Variants in TRABD2B observed in about 807,000 individuals in gnomAD.
TRABD2B encodes TraB domain containing 2B.
Under a neutral mutation model 40.1 loss-of-function variants are expected in TRABD2B, and 14 were observed. That is an observed-to-expected ratio of 0.35 (90% confidence interval 0.23 to 0.55). The LOEUF is 0.55. Ranked by LOEUF, TRABD2B falls within the 20% of genes least tolerant of loss-of-function variation. The pLI is 0.90. For synonymous variants in TRABD2B, 263 were observed against 277.0 expected (o/e 0.95, Z 0.50); for missense variants, 541 against 648.6 (o/e 0.83, Z 1.80).
At chr1:47,904,308 A>C (rs1248393458) in intron 2 of TRABD2B, among the ~76,000 whole-genome samples, 3 of 152,152 alleles carry the variant, frequency 2.0e-5, no homozygotes, top group African/African-American at 4.8e-5. Flanking sequence ...GGGGAAGCAC[A>C]GAGTGTGGTG....
At chr1:47,861,272 A>C (rs1643963948) in intron 2 of TRABD2B, among the ~76,000 whole-genome samples, 1 of 152,044 alleles carries the variant, frequency 6.6e-6, no homozygotes, top group Non-Finnish European at 1.5e-5. Context: ...TGGTTGCACA[A>C]ATGGTGGTGG....
Position 47,771,693 on chromosome 1 carries a change from C to T in TRABD2B, c.1349+3477G>A, listed in dbSNP as rs115657516. ...TCACAGCCCTGCCCTTCCCCCAAGC[C>T]TGGCTCTCAGCGGTGGGGGTTCCCC... On this transcript the variant is annotated intron_variant, in intron 6 of 6. Coordinates refer to ENST00000606738, the MANE Select transcript of TRABD2B (RefSeq NM_001194986.2). Among the ~76,000 whole-genome samples the T allele has an allele frequency of 3.6e-3, 543 of 152,378 alleles. 4 individuals are homozygous for T. The highest frequency in any genetic ancestry group is 0.012 in the African/African-American group (500 of 41,598).
chr1:47,840,301 C>T (rs1257291265), intron 2 of TRABD2B, among the ~76,000 whole-genome samples: 1 of 152,182 alleles, frequency 6.6e-6, no homozygotes, highest in African/African-American at 2.4e-5. Context: ...TCGACAAGGC[C>T]CCCAGAGGTA....
chr1:47,818,624 T>G (rs1246598024), intron 2 of TRABD2B: 1 of 152,260 alleles, frequency 6.6e-6, no homozygotes, highest in Non-Finnish European at 1.5e-5. Flanking sequence ...AGTCATTAAT[T>G]CCAGGGGAGG....
intron 2 of TRABD2B, among the ~76,000 whole-genome samples, chr1:47,855,665 T>G (rs528717084): frequency 1.7e-4 from 26 of 152,378 alleles, no homozygotes; most frequent in African/African-American, 5.5e-4. Flanking sequence ...CCAAACTTCC[T>G]ATGCTGAAAT....
At chr1:47,889,037 A>G (rs1429003517) in intron 2 of TRABD2B, among the ~76,000 whole-genome samples, 1 of 152,106 alleles carries the variant, frequency 6.6e-6, no homozygotes, top group Non-Finnish European at 1.5e-5. Flanking sequence ...AATTTGTATG[A>G]TGTCTGTCTG....
chr1:47,829,093 G>A (rs1054065558), intron 2 of TRABD2B, among the ~76,000 whole-genome samples: 1 of 152,142 alleles, frequency 6.6e-6, no homozygotes, highest in Non-Finnish European at 1.5e-5. Flanking sequence ...CTGGCCCCAG[G>A]GACCCCAGAG....
intron 2 of TRABD2B, among the ~76,000 whole-genome samples, chr1:47,987,594 C>A (rs1439614855): frequency 1.3e-5 from 2 of 152,116 alleles, no homozygotes. Context: ...TGTGTTATCC[C>A]CCTACATTTA....
rs537847236 is a variant in TRABD2B at position 47,857,403 on chromosome 1, C to T, written c.667-55784G>A. 1.8e-4 allele frequency among the ~76,000 whole-genome samples: 28 copies of T among 152,278 alleles called. 1 individual carries two copies. The South Asian group carries it at 5.8e-3, about 32-fold the overall frequency. On this transcript the variant is annotated intron_variant, in intron 2 of 6. Transcript: ENST00000606738. Reference sequence around the variant, plus strand: ...AGCCACCGTTGCTGCATTAGCCCTGCCCCACCGTGTGCCTACCTAGCAACC... The same window carrying T: ...AGCCACCGTTGCTGCATTAGCCCTGTCCCACCGTGTGCCTACCTAGCAACC...
chr1:47,925,621 C>T lies in TRABD2B; in HGVS notation c.666+68413G>A, dbSNP rs1644959064. Among the ~76,000 whole-genome samples the T allele has an allele frequency of 2.0e-5, 3 of 152,218 alleles. No individual in the cohort carries two copies. The South Asian group carries it at 6.2e-4, about 32-fold the overall frequency. Reference sequence around the variant, plus strand: ...CACAGTGCTGAAGATGCTGGAGCCTCATGCTCTGGTTTGGTTTAAATTAGA... The same window carrying T: ...CACAGTGCTGAAGATGCTGGAGCCTTATGCTCTGGTTTGGTTTAAATTAGA... On this transcript the variant is annotated intron_variant, in intron 2 of 6. Transcript: ENST00000606738.
chr1:47,971,068 A>C (rs911934952), intron 2 of TRABD2B, among the ~76,000 whole-genome samples: 5 of 152,206 alleles, frequency 3.3e-5, no homozygotes, highest in African/African-American at 1.2e-4. Flanking sequence ...CTAACACACC[A>C]TCTCTGCCTA....
chr1:47,927,349 A>C (rs1644983187), intron 2 of TRABD2B, among the ~76,000 whole-genome samples: 1 of 151,830 alleles, frequency 6.6e-6, no homozygotes, highest in South Asian at 2.1e-4. Context: ...GCAAACATCC[A>C]CTCTTCCGGT....
chr1:47,908,011 C>T (rs1247547946), intron 2 of TRABD2B, among the ~76,000 whole-genome samples: 1 of 152,074 alleles, frequency 6.6e-6, no homozygotes, highest in Non-Finnish European at 1.5e-5. Context: ...TAAAAAGTAA[C>T]CTGAGAAGTG....
chr1:47,780,446 T>G (rs1375561948), intron 4 of TRABD2B, among the ~76,000 whole-genome samples: 1 of 152,178 alleles, frequency 6.6e-6, no homozygotes, highest in Non-Finnish European at 1.5e-5. Context: ...ACTGCCTAGG[T>G]GCATATCTTG....
chr1:47,891,453 G>A (rs1557639867), intron 2 of TRABD2B, among the ~76,000 whole-genome samples: 1 of 152,072 alleles, frequency 6.6e-6, no homozygotes, highest in African/African-American at 2.4e-5. Context: ...TGAGCCACGG[G>A]ACTACCTTGG....
At chr1:47,897,270 G>A (rs1644535455) in intron 2 of TRABD2B, among the ~76,000 whole-genome samples, 1 of 152,176 alleles carries the variant, frequency 6.6e-6, no homozygotes, top group Non-Finnish European at 1.5e-5. Context: ...AAACAGCAAG[G>A]AAGACAACGT....
At chr1:47,775,477 G>C (rs1193309572) in intron 5 of TRABD2B, 38 bp from the exon 6 acceptor site, 3 of 1,233,550 alleles carry the variant, frequency 2.4e-6, no homozygotes, top group East Asian at 6.3e-5. Context: ...ACATGTGTTG[G>C]AGAATGTCAT....
Position 47,760,596 on chromosome 1 carries a change from G to C in TRABD2B, c.*5306C>G, listed in dbSNP as rs373606126. ...TATTTTTGGCAAAATAACATTAATA[G>C]CATCTTTCTTTGTCTTCTATTTATA... On this transcript the variant is annotated 3_prime_UTR_variant, in exon 7 of 7. Transcript: ENST00000606738. The C allele has an allele frequency of 6.6e-6, 1 of 152,150 alleles. No homozygotes were observed. The highest frequency in any genetic ancestry group is 6.5e-5 in the Admixed American group (1 of 15,282). 9.4% of individuals were successfully genotyped at this position (152,150 alleles called of 1,614,324 possible). A position where few individuals can be genotyped will look rare whatever the true frequency, so the allele number is the denominator to read the frequency against.
At chr1:47,783,032 T>A in intron 4 of TRABD2B, among the ~76,000 whole-genome samples, 1 of 149,644 alleles carries the variant, frequency 6.7e-6, no homozygotes. Flanking sequence ...GGGAGGACCA[T>A]GGGGTGGGGG....
Sources: allele counts gnomAD v4.1 joint callset (sites outside exome capture counted in the v4.1 genomes callset), GRCh38; gene constraint gnomAD v4.1.1; transcripts MANE v1.5; gene names NCBI Gene and HGNC (gene_info 2026-07-23, HGNC 2026-07-21).